The following NPY2R variants were observed in gnomAD, a reference collection of about 807,000 sequenced individuals.
NPY2R encodes the protein neuropeptide Y receptor Y2, also known as neuropeptide Y receptor type 2.
In NPY2R, 17 loss-of-function variants were observed where a neutral mutation model predicts 22.3. That is an observed-to-expected ratio of 0.76 (90% CI 0.52 to 1.14). The LOEUF (loss-of-function observed/expected upper bound fraction) is 1.14, where lower values mean the gene tolerates loss of function less well. Ranked by LOEUF, NPY2R falls within the 50% of genes most tolerant of loss-of-function variation. The pLI, the probability that NPY2R is intolerant of heterozygous loss-of-function variation, is 0.00. For synonymous variants in NPY2R, 209 were observed against 183.4 expected (o/e 1.14, Z -1.13); for missense variants, 424 against 467.9 (o/e 0.91, Z 0.87).
chr4:155,197,842 A>C, the NPY2R span, among the ~76,000 whole-genome samples: 1 of 152,086 alleles, frequency 6.6e-6, no homozygotes, highest in East Asian at 1.9e-4. Flanking sequence ...CCATTTGAAA[A>C]ACACACATAT....
At chr4:155,174,488 T>A in the NPY2R span, among the ~76,000 whole-genome samples, 355 of 78,314 alleles carry the variant, frequency 4.5e-3, 1 homozygote, top group African/African-American at 0.017. Context: ...ATATATATTT[T>A]TTTTTTTAAA....
In NPY2R at chr4:155,214,550, C is replaced by T. The variant is rs1320800351; in HGVS notation, c.611C>T (p.Thr204Ile). The part of the protein sequence containing the change: ...IIPDFEIVAC[T>I]EKWPGEEKSI... Reference sequence around the variant, plus strand: ...CCGGACTTTGAGATTGTGGCCTGTACTGAAAAGTGGCCTGGCGAGGAGAAG... The same window carrying T: ...CCGGACTTTGAGATTGTGGCCTGTATTGAAAAGTGGCCTGGCGAGGAGAAG... The change falls in exon 2 of 2, where the codon ACT (threonine) becomes ATT (isoleucine). Residue 204 changes from threonine (T) to isoleucine (I), a missense_variant. Coordinates refer to ENST00000329476, the MANE Select transcript of NPY2R (RefSeq NM_000910.4). 4.3e-6 allele frequency: 7 copies of T among 1,614,040 alleles called. No homozygotes were observed. The highest frequency in any genetic ancestry group is 5.9e-6 in the Non-Finnish European group (7 of 1,180,018).
chr4:155,193,201 C>T, the NPY2R span, among the ~76,000 whole-genome samples: 1 of 151,794 alleles, frequency 6.6e-6, no homozygotes, highest in Admixed American at 6.6e-5. Context: ...TATATACGGT[C>T]CCATCGAATC....
the NPY2R span, among the ~76,000 whole-genome samples, chr4:155,197,281 T>C: frequency 7.2e-5 from 11 of 152,160 alleles, no homozygotes; most frequent in South Asian, 2.1e-3. Flanking sequence ...AGTGAGGTCA[T>C]ATATGAATGA....
At chr4:155,193,993 C>T in the NPY2R span, among the ~76,000 whole-genome samples, 1 of 151,892 alleles carries the variant, frequency 6.6e-6, no homozygotes, top group Non-Finnish European at 1.5e-5. Flanking sequence ...GAGAGACACA[C>T]AGGACTAAGA....
chr4:155,206,734 A>G (rs901790307), upstream of NPY2R: 2 of 152,248 alleles, frequency 1.3e-5, no homozygotes, highest in African/African-American at 4.8e-5. Flanking sequence ...TGTTTTGTGC[A>G]ATCAATGTCA....
At chr4:155,192,545 C>A in the NPY2R span, among the ~76,000 whole-genome samples, 1 of 151,860 alleles carries the variant, frequency 6.6e-6, no homozygotes, top group African/African-American at 2.4e-5. Flanking sequence ...GCATAATATG[C>A]AATTTTCTAT....
At chr4:155,187,550 G>A in the NPY2R span, among the ~76,000 whole-genome samples, 5 of 152,114 alleles carry the variant, frequency 3.3e-5, no homozygotes, top group East Asian at 1.9e-4. Flanking sequence ...CAGGAGCAGC[G>A]TGAGAGAGAG....
At chr4:155,186,036 A>G in the NPY2R span, among the ~76,000 whole-genome samples, 1 of 152,178 alleles carries the variant, frequency 6.6e-6, no homozygotes, top group African/African-American at 2.4e-5. Flanking sequence ...TCATACTAAG[A>G]CTAAGAATCA....
chr4:155,198,747 A>G, the NPY2R span, among the ~76,000 whole-genome samples: 3 of 151,730 alleles, frequency 2.0e-5, no homozygotes, highest in African/African-American at 7.2e-5. Flanking sequence ...ACATTTTCAA[A>G]TCACATAGCA....
chr4:155,174,036 A>G, the NPY2R span: 3 of 151,836 alleles, frequency 2.0e-5, no homozygotes, highest in African/African-American at 4.8e-5. Context: ...CATTTGTTCA[A>G]ATGTTAGTAT....
the NPY2R span, among the ~76,000 whole-genome samples, chr4:155,203,046 C>T: frequency 0.057 from 8,606 of 152,098 alleles, 514 homozygotes; most frequent in African/African-American, 0.16. Context: ...TGGTTCCTTA[C>T]TAGTATCAAT....
Position 155,215,520 on chromosome 4 carries a change from A to C in NPY2R, c.*435A>C, listed in dbSNP as rs1460348256. Reference sequence around the variant, plus strand: ...GGCTTATGAAAACACCACTGAACAGAAATTTCTCCAGGGAGCCACAGGCTC... The same window carrying C: ...GGCTTATGAAAACACCACTGAACAGCAATTTCTCCAGGGAGCCACAGGCTC... On this transcript the variant is annotated 3_prime_UTR_variant, in exon 2 of 2. Transcript: ENST00000329476. The C allele has an allele frequency of 4.6e-6, 1 of 216,244 alleles. No individual in the cohort carries two copies. The highest frequency in any genetic ancestry group is 1.0e-5 in the Non-Finnish European group (1 of 98,008). The allele number at this position is 216,244 out of a possible 1,614,324, so 13.4% of individuals were successfully genotyped here.
chr4:155,203,326 A>T, the NPY2R span, among the ~76,000 whole-genome samples: 1 of 152,132 alleles, frequency 6.6e-6, no homozygotes, highest in Admixed American at 6.6e-5. Flanking sequence ...AGCCTATGAG[A>T]TTTGTGAAGT....
At chr4:155,177,134 A>G in the NPY2R span, among the ~76,000 whole-genome samples, 1 of 152,208 alleles carries the variant, frequency 6.6e-6, no homozygotes, top group African/African-American at 2.4e-5. Flanking sequence ...CCATCCCAGT[A>G]GTCTCCAAAA....
At chr4:155,211,815 C>T (rs143263668) in intron 1 of NPY2R, among the ~76,000 whole-genome samples, 5 of 152,238 alleles carry the variant, frequency 3.3e-5, no homozygotes, top group African/African-American at 9.6e-5. Context: ...CCAAGGCCCC[C>T]GGAACAGGGA....
the NPY2R span, among the ~76,000 whole-genome samples, chr4:155,198,580 ATATAT>A: frequency 3.2e-3 from 469 of 147,100 alleles, 3 homozygotes; most frequent in African/African-American, 0.011. Context: ...GATATATATA[ATATAT>A]TATATATAAT....
At chr4:155,182,303 C>G in the NPY2R span, among the ~76,000 whole-genome samples, 1 of 152,112 alleles carries the variant, frequency 6.6e-6, no homozygotes, top group East Asian at 1.9e-4. Flanking sequence ...ATATATTTAT[C>G]CTTTTCAGAA....
chr4:155,187,810 T>A, the NPY2R span, among the ~76,000 whole-genome samples: 1 of 152,144 alleles, frequency 6.6e-6, no homozygotes, highest in Non-Finnish European at 1.5e-5. Flanking sequence ...TCATTACAAA[T>A]AAGATTGTCA....
Sources: gnomAD v4.1 joint callset for allele counts (sites outside exome capture counted in the v4.1 genomes callset) on GRCh38, gnomAD v4.1.1 for gene constraint, MANE v1.5 for transcripts, NCBI Gene and HGNC (gene_info 2026-07-23, HGNC 2026-07-21) for gene names.